RASEF: variants seen among roughly 807,000 people sequenced by gnomAD.
RASEF encodes ras and EF-hand domain-containing protein.
In RASEF, 68 loss-of-function variants were observed where a neutral mutation model predicts 90.1. That is an observed-to-expected ratio of 0.75 (90% CI 0.62 to 0.92). The LOEUF (loss-of-function observed/expected upper bound fraction) is 0.92. Ranked by LOEUF, RASEF falls within the 40% of genes least tolerant of loss-of-function variation. RASEF has a pLI of 0.00. For synonymous variants in RASEF, 331 were observed against 345.2 expected (o/e 0.96, Z 0.46); for missense variants, 949 against 937.2 (o/e 1.01, Z -0.16).
chr9:83,020,221 A>C (rs1021468279), intron 3 of RASEF, among the ~76,000 whole-genome samples: 3 of 152,176 alleles, frequency 2.0e-5, no homozygotes, highest in Non-Finnish European at 4.4e-5. Flanking sequence ...ATCAAGAAGA[A>C]AGTGAGGGTT....
At chr9:83,010,155 T>C (rs1177447653) in intron 5 of RASEF, among the ~76,000 whole-genome samples, 2 of 152,244 alleles carry the variant, frequency 1.3e-5, no homozygotes, top group Non-Finnish European at 2.9e-5. Flanking sequence ...CCAGGTACAC[T>C]GGCTACTTTT....
intron 16 of RASEF, among the ~76,000 whole-genome samples, chr9:82,989,327 C>G (rs1371053535): frequency 2.6e-5 from 4 of 152,024 alleles, no homozygotes; most frequent in African/African-American, 9.7e-5. Flanking sequence ...GATCCTCCAG[C>G]CTTGCCTCTC....
chr9:83,038,669 T>C (rs1050764298), intron 1 of RASEF, among the ~76,000 whole-genome samples: 1 of 152,310 alleles, frequency 6.6e-6, no homozygotes, highest in African/African-American at 2.4e-5. Flanking sequence ...AAACCTTTTA[T>C]ATATTTTACA....
At chr9:82,997,344 C>G (rs1250747987) in intron 13 of RASEF, among the ~76,000 whole-genome samples, 1 of 152,208 alleles carries the variant, frequency 6.6e-6, no homozygotes, top group African/African-American at 2.4e-5. Flanking sequence ...TCCAATCCTT[C>G]TCTCTACCAA....
the RASEF span, among the ~76,000 whole-genome samples, chr9:83,141,454 A>C: frequency 6.6e-6 from 1 of 152,222 alleles, no homozygotes; most frequent in East Asian, 1.9e-4. Flanking sequence ...TCTAACATAC[A>C]TGAAAAGGCG....
chr9:83,163,857 A>T, the RASEF span, among the ~76,000 whole-genome samples: 1 of 152,102 alleles, frequency 6.6e-6, no homozygotes, highest in South Asian at 2.1e-4. Flanking sequence ...CAAATTACAG[A>T]TTCAGGAGGC....
chr9:83,110,652 C>T, the RASEF span, among the ~76,000 whole-genome samples: 8 of 152,014 alleles, frequency 5.3e-5, no homozygotes, highest in Non-Finnish European at 8.8e-5. Context: ...GATTCTTCAG[C>T]GAAAGAATAA....
At chr9:83,077,110 C>A in the RASEF span, among the ~76,000 whole-genome samples, 1 of 152,112 alleles carries the variant, frequency 6.6e-6, no homozygotes, top group Non-Finnish European at 1.5e-5. Flanking sequence ...ATGATTGCTA[C>A]AATTCTGTGT....
chr9:83,103,316 T>G, the RASEF span, among the ~76,000 whole-genome samples: 1 of 152,186 alleles, frequency 6.6e-6, no homozygotes, highest in African/African-American at 2.4e-5. Context: ...CAAATTTTTA[T>G]GATAATAATG....
At chr9:83,164,414 G>C in the RASEF span, among the ~76,000 whole-genome samples, 1 of 146,718 alleles carries the variant, frequency 6.8e-6, no homozygotes, top group African/African-American at 2.5e-5. Context: ...TGATATAAGG[G>C]ATGGGAGGGA....
chr9:83,025,897 G>T lies in RASEF; in HGVS notation c.456C>A (p.Tyr152Ter). Residue 152 changes from tyrosine (Y) to a stop codon, truncating the protein, a stop_gained, in exon 2 of 17, where the codon TAC (tyrosine) becomes TAA (stop). Transcript: ENST00000376447. LOFTEE classifies it high-confidence loss of function. Reference sequence around the variant, plus strand: ...TTGGCTCCACAAGGTTGATGTTTTGGTACAAGGTACTAACTTGCTCTTCTC... The same window carrying T: ...TTGGCTCCACAAGGTTGATGTTTTGTTACAAGGTACTAACTTGCTCTTCTC... ...IPREEQVSTL[Y>*]QNINLVEPRL... The T allele has an allele frequency of 6.2e-7, 1 of 1,612,314 alleles. No individual in the cohort carries two copies. The highest frequency in any genetic ancestry group is 8.5e-7 in the Non-Finnish European group (1 of 1,179,140).
Position 82,983,045 on chromosome 9 carries a change from A to T in RASEF, c.2118-263T>A, listed in dbSNP as rs1828642001. Among the ~76,000 whole-genome samples the T allele has an allele frequency of 3.3e-5, 5 of 151,072 alleles. No homozygotes were observed. In the South Asian group the frequency reaches 1.1e-3, roughly 32 times the overall value. On this transcript the variant is annotated intron_variant, in intron 16 of 16. Transcript: ENST00000376447. ...TAAGACAGTTCCCTTAGGTCACATG[A>T]CTACAGAAGTGGGATTAAAACCACA...
Position 83,000,890 on chromosome 9 carries a change from G to A in RASEF, c.1437+6C>T. The A allele has an allele frequency of 1.2e-6, 2 of 1,608,550 alleles. No homozygotes were observed. The highest frequency in any genetic ancestry group is 1.7e-6 in the Non-Finnish European group (2 of 1,174,928). On this transcript the variant is annotated splice_donor_region_variant and intron_variant, in intron 10 of 16. Transcript: ENST00000376447. Reference sequence around the variant, plus strand: ...GCCTAGGAGAGCAGTGGTTTCTGGGGCTTACATCTGTGTCTGAAGCATCAC... The same window carrying A: ...GCCTAGGAGAGCAGTGGTTTCTGGGACTTACATCTGTGTCTGAAGCATCAC...
At chr9:83,133,450 G>A in the RASEF span, among the ~76,000 whole-genome samples, 170 of 152,282 alleles carry the variant, frequency 1.1e-3, 1 homozygote, top group African/African-American at 3.9e-3. Flanking sequence ...ATCACTTACT[G>A]ATTTGATAAA....
chr9:83,118,530 A>G, the RASEF span, among the ~76,000 whole-genome samples: 2 of 152,002 alleles, frequency 1.3e-5, no homozygotes, highest in Non-Finnish European at 1.5e-5. Flanking sequence ...TAGAAAACAT[A>G]TTTTCATTTC....
chr9:83,197,960 G>A, the RASEF span, among the ~76,000 whole-genome samples: 7 of 152,112 alleles, frequency 4.6e-5, no homozygotes, highest in Non-Finnish European at 1.0e-4. Flanking sequence ...ATGGTAGCAC[G>A]GCTTTGCACT....
chr9:83,087,417 C>CTCTCTCTCTT, the RASEF span, among the ~76,000 whole-genome samples: 7 of 149,398 alleles, frequency 4.7e-5, no homozygotes, highest in African/African-American at 1.7e-4. Flanking sequence ...CTCTCTCTCT[C>CTCTCTCTCTT]TCTCTCTCTC....
At position 83,000,989 on chromosome 9, in the gene RASEF, C is replaced by T; in HGVS notation, c.1344G>A (p.Glu448=). 2 of 1,614,136 alleles carry T rather than the reference C, an allele frequency of 1.2e-6. No individual in the cohort carries two copies. The highest frequency in any genetic ancestry group is 1.1e-5 in the South Asian group (1 of 91,082). Residue 448 remains glutamate, a synonymous_variant, in exon 10 of 17, where the codon GAG becomes GAA. Coordinates refer to ENST00000376447, the MANE Select transcript of RASEF (RefSeq NM_152573.4). ...SGLSTLRDPN[E]YDSEVEYKHQ... is the part of the protein sequence containing the mutation. The stretch of plus-strand genomic sequence containing the variant: ...GCTTGTATTCCACTTCTGAGTCATA[C>T]TCATTGGGATCTCTCAAGGTAGACA...
At chr9:83,084,313 G>T in the RASEF span, among the ~76,000 whole-genome samples, 183 of 152,196 alleles carry the variant, frequency 1.2e-3, 1 homozygote, top group Admixed American at 1.4e-3. Flanking sequence ...AGTCTTTGCA[G>T]GGTTTAATTT....
Sources: gnomAD v4.1 joint callset for allele counts (sites outside exome capture counted in the v4.1 genomes callset) on GRCh38, gnomAD v4.1.1 for gene constraint, MANE v1.5 for transcripts, NCBI Gene and HGNC (gene_info 2026-07-23, HGNC 2026-07-21) for gene names.